Variants in PALMD observed in about 807,000 individuals in gnomAD.
PALMD encodes palmdelphin, also known as paralemmin-like protein.
PALMD carries 42 observed loss-of-function variants against 56.2 expected under a neutral mutation model. The observed-to-expected ratio is 0.75, with a 90% CI of 0.58 to 0.97. The LOEUF (loss-of-function observed/expected upper bound fraction) is 0.97. Ranked by LOEUF, PALMD falls within the 50% of genes least tolerant of loss-of-function variation. The pLI is 0.00. For missense variants in PALMD, 660 were observed against 643.8 expected, an observed-to-expected ratio of 1.03 and a Z score of -0.27; for synonymous variants, 242 against 222.9, an observed-to-expected ratio of 1.09 and a Z score of -0.76.
In PALMD at chr1:99,677,126, G is replaced by T. The variant is rs1477483874; in HGVS notation, c.251+9360G>T. Reference sequence around the variant, plus strand: ...TGTCAACACATATCATGCCAGATTTGATACATTTTTTAGAAACACATAAAT... The same window carrying T: ...TGTCAACACATATCATGCCAGATTTTATACATTTTTTAGAAACACATAAAT... On this transcript the variant is annotated intron_variant, in intron 3 of 7. Coordinates refer to ENST00000263174, the MANE Select transcript of PALMD (RefSeq NM_017734.5). Among the ~76,000 whole-genome samples, 5 of 152,026 alleles carry T rather than the reference G, an allele frequency of 3.3e-5. No individual in the cohort carries two copies. In the East Asian group the frequency reaches 9.6e-4, roughly 29 times the overall value.
intron 3 of PALMD, among the ~76,000 whole-genome samples, chr1:99,671,297 A>G (rs1460453793): frequency 1.3e-5 from 2 of 152,212 alleles, no homozygotes; most frequent in African/African-American, 2.4e-5. Flanking sequence ...AAGGCGTTGT[A>G]AGATGAACTG....
At chr1:99,690,312 A>G (rs960225090) in intron 7 of PALMD, among the ~76,000 whole-genome samples, 16 of 152,038 alleles carry the variant, frequency 1.1e-4, no homozygotes, top group Non-Finnish European at 2.1e-4. Context: ...AACAAATTTT[A>G]TTTTCAGAGT....
At chr1:99,678,486 T>C (rs1557672452) in intron 3 of PALMD, among the ~76,000 whole-genome samples, 1 of 152,178 alleles carries the variant, frequency 6.6e-6, no homozygotes, top group Non-Finnish European at 1.5e-5. Context: ...AATTAATTCC[T>C]TAAGACAACC....
intron 3 of PALMD, among the ~76,000 whole-genome samples, chr1:99,673,592 C>T (rs1431750327): frequency 6.6e-6 from 1 of 152,094 alleles, no homozygotes; most frequent in African/African-American, 2.4e-5. Flanking sequence ...AAAATCGTTC[C>T]AAGCATGTTT....
At chr1:99,691,944 T>C (rs1653660502) in intron 7 of PALMD, among the ~76,000 whole-genome samples, 1 of 152,280 alleles carries the variant, frequency 6.6e-6, no homozygotes, top group African/African-American at 2.4e-5. Context: ...TGGAAAAAGG[T>C]GGACCCTGGA....
chr1:99,646,939 T>C (rs1344270324), intron 1 of PALMD, among the ~76,000 whole-genome samples: 1 of 152,172 alleles, frequency 6.6e-6, no homozygotes, highest in African/African-American at 2.4e-5. Context: ...TTCTAAGATA[T>C]CAGTTTCCAG....
chr1:99,647,596 T>G (rs12738161), intron 1 of PALMD, among the ~76,000 whole-genome samples: 6 of 152,242 alleles, frequency 3.9e-5, no homozygotes, highest in Non-Finnish European at 8.8e-5. Context: ...TTTTGTTTTG[T>G]CCTTTTTTGT....
At chr1:99,672,964 A>C (rs1286874456) in intron 3 of PALMD, among the ~76,000 whole-genome samples, 1 of 152,064 alleles carries the variant, frequency 6.6e-6, no homozygotes, top group African/African-American at 2.4e-5. Context: ...GATGATACAA[A>C]TGGGCAAAGG....
chr1:99,679,827 A>T (rs1255408345), intron 3 of PALMD, among the ~76,000 whole-genome samples: 2 of 151,946 alleles, frequency 1.3e-5, no homozygotes, highest in Admixed American at 6.6e-5. Flanking sequence ...TGCCTGTGAG[A>T]CTCTGGGCCG....
At chr1:99,675,882 G>A (rs1342420837) in intron 3 of PALMD, among the ~76,000 whole-genome samples, 1 of 152,084 alleles carries the variant, frequency 6.6e-6, no homozygotes, top group Non-Finnish European at 1.5e-5. Context: ...TTTCAAATTA[G>A]GATACTATCA....
intron 3 of PALMD, chr1:99,683,128 A>G (rs138116265): frequency 1.6e-5 from 2 of 123,538 alleles, no homozygotes; most frequent in South Asian, 2.4e-4. Context: ...GAAAGAAAGA[A>G]AGAAAGAAAG....
In PALMD at chr1:99,686,749, A is replaced by G; in HGVS notation, c.325A>G (p.Lys109Glu). The G allele has an allele frequency of 6.2e-7, 1 of 1,607,602 alleles. No homozygotes were observed. The change falls in exon 4 of 8, where the codon AAA becomes GAA. Residue 109 changes from lysine to glutamate, a missense_variant. Coordinates refer to ENST00000263174, the MANE Select transcript of PALMD (RefSeq NM_017734.5). The stretch of plus-strand genomic sequence containing the variant: ...AACGAAGGAAGAGGCCATTTTAAAG[A>G]AACTAAAGTCAATTGAGCGGACAAC... Reference protein sequence around the residue: ...ISTKEEAILKKLKSIERTTED... With the variant: ...ISTKEEAILKELKSIERTTED...
chr1:99,687,770 C>T (rs1004074913), intron 6 of PALMD, among the ~76,000 whole-genome samples: 12 of 152,034 alleles, frequency 7.9e-5, no homozygotes, highest in African/African-American at 2.9e-4. Flanking sequence ...CAGTTAGGCA[C>T]ATAGTAGGTA....
rs764573653 is a variant in PALMD, at chr1:99,689,296, A to G, written c.1036A>G (p.Arg346Gly). The change falls in exon 7 of 8, where the codon AGG becomes GGG. Residue 346 changes from arginine (R) to glycine (G), a missense_variant. By Grantham distance (125) the Arg-to-Gly change is moderately radical. Coordinates refer to ENST00000263174, the MANE Select transcript of PALMD (RefSeq NM_017734.5). ...AEEKLHTPQKRLMTPWEESNV... is the reference protein window; with the variant it reads ...AEEKLHTPQKGLMTPWEESNV... ...AGAGAAGCTTCACACCCCGCAAAAA[A>G]GGCTAATGACTCCTTGGGAAGAATC... 13 of 1,613,494 alleles carry G rather than the reference A, an allele frequency of 8.1e-6. No homozygotes were observed. The highest frequency in any genetic ancestry group is 1.1e-5 in the Non-Finnish European group (13 of 1,179,852).
rs1293954506 is a variant in PALMD at position 99,694,005 on chromosome 1, T to C, written c.1613-14T>C. 2 of 1,584,378 alleles carry C rather than the reference T, an allele frequency of 1.3e-6. No homozygotes were observed. Among genetic ancestry groups the C allele is most frequent in the Admixed American group, 1.7e-5 (1 of 57,898 alleles). Reference sequence around the variant, plus strand: ...TTTTTTTTATAACTCTCTTTTTTTTTCTTTAATTTGCAGCTTTAAGGATGA... The same window carrying C: ...TTTTTTTTATAACTCTCTTTTTTTTCCTTTAATTTGCAGCTTTAAGGATGA... On this transcript the variant is annotated splice_polypyrimidine_tract_variant and intron_variant, in intron 7 of 7. Transcript: ENST00000263174.
chr1:99,677,734 C>A lies in PALMD; in HGVS notation c.252-8942C>A, dbSNP rs76345279. ...GTCCATAGCAAGGTAGCCAGGAAGT[C>A]GTATAAAACTCAGGGCATTCTATCA... On this transcript the variant is annotated intron_variant, in intron 3 of 7. Transcript: ENST00000263174. Among the ~76,000 whole-genome samples, 367 of 152,112 alleles carry A rather than the reference C, an allele frequency of 2.4e-3. 10 individuals carry two copies. The East Asian group carries it at 0.067, about 28-fold the overall frequency.
intron 3 of PALMD, among the ~76,000 whole-genome samples, chr1:99,672,061 A>G (rs1424369262): frequency 6.6e-6 from 1 of 152,182 alleles, no homozygotes; most frequent in Non-Finnish European, 1.5e-5. Context: ...GTAGACATTT[A>G]CCTGAATATT....
At chr1:99,680,216 C>CA (rs1198090057) in intron 3 of PALMD, among the ~76,000 whole-genome samples, 6 of 151,910 alleles carry the variant, frequency 3.9e-5, no homozygotes, top group Non-Finnish European at 5.9e-5. Context: ...TTTTCCAAGA[C>CA]AAAAAATTGC....
chr1:99,670,552 G>A (rs1374105066), intron 3 of PALMD, among the ~76,000 whole-genome samples: 3 of 152,096 alleles, frequency 2.0e-5, no homozygotes, highest in Non-Finnish European at 4.4e-5. Flanking sequence ...GAAGAGAGCT[G>A]TAAATGCAAA....
Sources: allele counts gnomAD v4.1 joint callset (sites outside exome capture counted in the v4.1 genomes callset), GRCh38; gene constraint gnomAD v4.1.1; transcripts MANE v1.5; gene names NCBI Gene and HGNC (gene_info 2026-07-23, HGNC 2026-07-21).